SPRED2: variants seen among roughly 807,000 people sequenced by gnomAD.
SPRED2 encodes sprouty related EVH1 domain containing 2.
In SPRED2, 47 loss-of-function variants were observed where a neutral mutation model predicts 43.0. That is an observed-to-expected ratio of 1.09 (90% CI 0.87 to 1.40). The LOEUF is 1.40. Among genes scored for constraint, SPRED2 ranks in the 40% most tolerant of loss-of-function variants. The pLI, the probability that SPRED2 is intolerant of heterozygous loss-of-function variation, is 0.00. For synonymous variants in SPRED2, 225 were observed against 225.7 expected (o/e 1.00, Z 0.03); for missense variants, 561 against 586.4 (o/e 0.96, Z 0.45).
chr2:65,404,959 T>C (rs1046406418), intron 1 of SPRED2, among the ~76,000 whole-genome samples: 2 of 152,214 alleles, frequency 1.3e-5, no homozygotes, highest in Non-Finnish European at 2.9e-5. Context: ...ATTCCTCACT[T>C]TCCCTCCTGC....
In SPRED2 at chr2:65,334,636, TC is replaced by T; in HGVS notation, c.341del (p.Gly114GlufsTer2). 1 of 1,614,224 alleles carries T rather than the reference TC, an allele frequency of 6.2e-7. No homozygotes were observed. Among genetic ancestry groups the T allele is most frequent in the Non-Finnish European group, 8.5e-7 (1 of 1,180,028 alleles). ...TAAGGTCTTCGATTGCTTTCCTTAC[TC>T]CCCTGTCAAAGGCTCGGGCATCAGC... ...SPADARAFDR[G>X]VRKAIEDLIE... On this transcript the variant is annotated frameshift_variant, in exon 3 of 6. Transcript: ENST00000356388. LOFTEE classifies it high-confidence loss of function.
intron 1 of SPRED2, among the ~76,000 whole-genome samples, chr2:65,414,465 G>A (rs1336176354): frequency 6.8e-6 from 1 of 148,018 alleles, no homozygotes; most frequent in Non-Finnish European, 1.5e-5. Flanking sequence ...AACCACGGAG[G>A]CTGTGAATGT....
chr2:65,430,634 C>T (rs1374557231), intron 1 of SPRED2, among the ~76,000 whole-genome samples: 1 of 152,156 alleles, frequency 6.6e-6, no homozygotes, highest in African/African-American at 2.4e-5. Flanking sequence ...CCTGGGGCCT[C>T]CGGAGCACGC....
intron 1 of SPRED2, among the ~76,000 whole-genome samples, chr2:65,352,192 G>A (rs538080064): frequency 5.8e-4 from 88 of 152,364 alleles, no homozygotes; most frequent in African/African-American, 1.9e-3. Context: ...AGCCAATTCT[G>A]GCAAAGGCCA....
intron 1 of SPRED2, among the ~76,000 whole-genome samples, chr2:65,401,778 C>T (rs947265724): frequency 1.2e-4 from 18 of 150,484 alleles, no homozygotes; most frequent in South Asian, 2.1e-4. Flanking sequence ...CCAGCCTGGG[C>T]GACAGAGCCA....
intron 1 of SPRED2, among the ~76,000 whole-genome samples, chr2:65,403,173 T>C (rs1027468391): frequency 6.6e-6 from 1 of 152,236 alleles, no homozygotes; most frequent in Non-Finnish European, 1.5e-5. Flanking sequence ...ACATTAACCA[T>C]GTGCAAACCA....
At chr2:65,401,641 C>CA (rs1202817810) in intron 1 of SPRED2, among the ~76,000 whole-genome samples, 1 of 151,086 alleles carries the variant, frequency 6.6e-6, no homozygotes, top group Non-Finnish European at 1.5e-5. Flanking sequence ...TAAAAAAATA[C>CA]AAAAAAATTA....
At chr2:65,318,293 T>C (rs903753535) in intron 4 of SPRED2, among the ~76,000 whole-genome samples, 1 of 152,094 alleles carries the variant, frequency 6.6e-6, no homozygotes, top group African/African-American at 2.4e-5. Flanking sequence ...TTGCCCGGTC[T>C]CCGGTATGTC....
At chr2:65,424,157 G>A (rs1372454506) in intron 1 of SPRED2, among the ~76,000 whole-genome samples, 2 of 152,060 alleles carry the variant, frequency 1.3e-5, no homozygotes, top group Admixed American at 1.3e-4. Flanking sequence ...ATCCAGGGCT[G>A]GTGGCTTGGG....
At chr2:65,364,025 T>C (rs144301904) in intron 1 of SPRED2, among the ~76,000 whole-genome samples, 15 of 152,312 alleles carry the variant, frequency 9.8e-5, no homozygotes, top group African/African-American at 3.4e-4. Flanking sequence ...CAAGGTTATG[T>C]CACTCTACTT....
chr2:65,334,918 A>G (rs113639319), intron 2 of SPRED2, 145 bp from the exon 3 acceptor site: 18 of 775,872 alleles, frequency 2.3e-5, no homozygotes, highest in African/African-American at 2.1e-4. Flanking sequence ...AGTCTCTCCA[A>G]TGGGAAAGGA....
At chr2:65,379,421 C>A (rs557421440) in intron 1 of SPRED2, among the ~76,000 whole-genome samples, 4 of 152,256 alleles carry the variant, frequency 2.6e-5, no homozygotes, top group South Asian at 2.1e-4. Flanking sequence ...GGAGGGCAAG[C>A]CTCTCCTCAC....
At chr2:65,390,472 A>G (rs1362439451) in intron 1 of SPRED2, among the ~76,000 whole-genome samples, 1 of 152,154 alleles carries the variant, frequency 6.6e-6, no homozygotes, top group Non-Finnish European at 1.5e-5. Flanking sequence ...AGAGGCAGCA[A>G]GAGGAGAGGC....
chr2:65,327,817 A>AG (rs773024267), intron 4 of SPRED2, among the ~76,000 whole-genome samples: 1 of 133,006 alleles, frequency 7.5e-6, no homozygotes, highest in Non-Finnish European at 1.5e-5. Flanking sequence ...TCCGCCTTCC[A>AG]GGTTCAAGCG....
intron 1 of SPRED2, among the ~76,000 whole-genome samples, chr2:65,409,758 G>A (rs548850775): frequency 4.0e-4 from 60 of 151,500 alleles, no homozygotes; most frequent in African/African-American, 1.3e-3. Context: ...ATTTTAGGCT[G>A]GGCATGGTGG....
intron 2 of SPRED2, among the ~76,000 whole-genome samples, chr2:65,338,778 G>C (rs1180719213): frequency 6.6e-6 from 1 of 151,520 alleles, no homozygotes; most frequent in African/African-American, 2.4e-5. Context: ...GATGTGAGGA[G>C]CCCCTCTGCC....
In SPRED2 at chr2:65,312,719, G is replaced by A; in HGVS notation, c.*782C>T. The A allele has an allele frequency of 5.1e-6, 5 of 985,850 alleles. No homozygotes were observed. Among genetic ancestry groups the A allele is most frequent in the Non-Finnish European group, 6.0e-6 (5 of 829,938 alleles). The allele number at this position is 985,850 out of a possible 1,614,324, so 61.1% of individuals were successfully genotyped here. A position where few individuals can be genotyped will look rare whatever the true frequency, so the allele number is the denominator to read the frequency against. ...TCCCCATTCTAGCCCTGGTCCAAGA[G>A]GATGCAATGCAGTTGAAGGAATTTT... is the stretch of plus-strand genomic sequence containing the variant. On this transcript the variant is annotated 3_prime_UTR_variant, in exon 6 of 6. Transcript: ENST00000356388.
Position 65,316,837 on chromosome 2 carries a change from G to A in SPRED2, c.485C>T (p.Pro162Leu), listed in dbSNP as rs769629519. 5.0e-6 allele frequency: 8 copies of A among 1,613,940 alleles called. No homozygotes were observed. The highest frequency in any genetic ancestry group is 6.8e-6 in the Non-Finnish European group (8 of 1,179,980). ...TGTGGGAGAGGAGATTGTCCGAGTA[G>A]GTTGCTCTCTCTTCTGAGAGGAATT... ...SSNSSQKREQ[P>L]TRTISSPTSC... Residue 162 changes from proline (P) to leucine (L), a missense_variant, in exon 5 of 6, where the codon CCT becomes CTT. By Grantham distance (98) the Pro-to-Leu change is moderately conservative. Coordinates refer to ENST00000356388, the MANE Select transcript of SPRED2 (RefSeq NM_181784.3).
rs1158581408 is a variant in SPRED2, at chr2:65,322,285, TATATATA to T, written c.439-5409_439-5403del. ...CTCTCTCTCTCTATATATATATATA[TATATATA>T]TATTTTTTTTTTTTTTTTTGAGACG... On this transcript the variant is annotated intron_variant, in intron 4 of 5. Transcript: ENST00000356388. 1.0e-4 allele frequency among the ~76,000 whole-genome samples: 11 copies of T among 106,890 alleles called. 1 individual carries two copies. Among genetic ancestry groups the T allele is most frequent in the East Asian group, 9.2e-4 (3 of 3,246 alleles). The allele number at this position is 106,890 out of a possible 152,430, so 70.1% of individuals were successfully genotyped here.
Sources: allele counts gnomAD v4.1 joint callset (sites outside exome capture counted in the v4.1 genomes callset), GRCh38; gene constraint gnomAD v4.1.1; transcripts MANE v1.5; gene names NCBI Gene and HGNC (gene_info 2026-07-23, HGNC 2026-07-21).